The following ATXN1 variants were observed in gnomAD, a reference collection of about 807,000 sequenced individuals.
ATXN1 encodes ataxin-1.
In ATXN1, 8 loss-of-function variants were observed where a neutral mutation model predicts 56.4. That is an observed-to-expected ratio of 0.14 (90% confidence interval 0.08 to 0.26). The LOEUF (loss-of-function observed/expected upper bound fraction) is 0.26. Ranked by LOEUF, ATXN1 falls within the 10% of genes least tolerant of loss-of-function variation. The probability of loss-of-function intolerance (pLI) is 1.00; values close to 1 mark genes in which losing one functional copy is unlikely to be tolerated. For missense variants in ATXN1, 987 were observed against 1,106.5 expected, an observed-to-expected ratio of 0.89 and a Z score of 1.53; for synonymous variants, 514 against 494.6, an observed-to-expected ratio of 1.04 and a Z score of -0.52.
In ATXN1 at chr6:16,583,584, C is replaced by T. The variant is rs983670597; in HGVS notation, c.-361+2196G>A. On this transcript the variant is annotated intron_variant, in intron 4 of 7. Transcript: ENST00000436367. ...AGGGCAGCTCACATATGGTGCCAGACGGTGAGGGACTCTGTGCCCAAGGCA... is the reference window on the plus strand; with the variant it reads ...AGGGCAGCTCACATATGGTGCCAGATGGTGAGGGACTCTGTGCCCAAGGCA... Among the ~76,000 whole-genome samples, 8 of 152,280 alleles carry T rather than the reference C, an allele frequency of 5.3e-5. No individual in the cohort carries two copies. The East Asian group carries it at 5.8e-4, about 11-fold the overall frequency.
chr6:16,450,138 C>T (rs188053977), intron 6 of ATXN1, among the ~76,000 whole-genome samples: 1 of 152,290 alleles, frequency 6.6e-6, no homozygotes, highest in Admixed American at 6.5e-5. Context: ...ATGAATGATA[C>T]AGAATTTGTA....
intron 2 of ATXN1, among the ~76,000 whole-genome samples, chr6:16,668,948 G>A (rs1363692501): frequency 6.6e-6 from 1 of 152,020 alleles, no homozygotes; most frequent in African/African-American, 2.4e-5. Context: ...ACAGACTGCA[G>A]GAAGCCCAGA....
intron 3 of ATXN1, among the ~76,000 whole-genome samples, chr6:16,639,063 G>A (rs1414248156): frequency 6.8e-6 from 1 of 147,266 alleles, no homozygotes; most frequent in Non-Finnish European, 1.5e-5. Context: ...GCTAGCTTGA[G>A]GTTTGTAAAA....
At chr6:16,362,706 T>C (rs1761836372) in intron 6 of ATXN1, among the ~76,000 whole-genome samples, 1 of 150,868 alleles carries the variant, frequency 6.6e-6, no homozygotes, top group South Asian at 2.1e-4. Context: ...GAATATAATG[T>C]GAACATCTTG....
chr6:16,501,097 G>GC (rs139969341), intron 5 of ATXN1, among the ~76,000 whole-genome samples: 4,790 of 152,286 alleles, frequency 0.031, 267 homozygotes, highest in South Asian at 0.17. Context: ...GTAGGTTTGT[G>GC]CATGTGCGTG....
intron 5 of ATXN1, among the ~76,000 whole-genome samples, chr6:16,512,710 A>G (rs1208246778): frequency 6.6e-6 from 1 of 152,226 alleles, no homozygotes; most frequent in Non-Finnish European, 1.5e-5. Flanking sequence ...TCAGACACCA[A>G]CAGCAACAAA....
intron 1 of ATXN1, chr6:16,754,495 A>G (rs1186835049): frequency 6.6e-6 from 1 of 152,222 alleles, no homozygotes; most frequent in Non-Finnish European, 1.5e-5. Flanking sequence ...CCTTGGGTAC[A>G]TGGCAACACA....
At chr6:16,560,041 C>G (rs773638368) in intron 4 of ATXN1, among the ~76,000 whole-genome samples, 7 of 152,030 alleles carry the variant, frequency 4.6e-5, no homozygotes, top group Admixed American at 4.6e-4. Flanking sequence ...CTTCATAATC[C>G]ATTCAAATTT....
chr6:16,750,043 C>T (rs1330985720), intron 2 of ATXN1: 1 of 152,466 alleles, frequency 6.6e-6, no homozygotes, highest in African/African-American at 2.4e-5. Context: ...TCTCTTCCCA[C>T]AGAAATGCAA....
At chr6:16,622,404 G>A (rs767075477) in intron 3 of ATXN1, among the ~76,000 whole-genome samples, 9 of 152,070 alleles carry the variant, frequency 5.9e-5, no homozygotes, top group East Asian at 1.9e-4. Flanking sequence ...GTCTCATAAC[G>A]ATAACCAAAC....
At chr6:16,355,068 C>T (rs956753451) in intron 6 of ATXN1, among the ~76,000 whole-genome samples, 26 of 152,306 alleles carry the variant, frequency 1.7e-4, no homozygotes, top group African/African-American at 3.9e-4. Flanking sequence ...ATTTTAATTA[C>T]GAAGTCCTCT....
At chr6:16,616,450 G>C (rs1763210572) in intron 3 of ATXN1, among the ~76,000 whole-genome samples, 1 of 151,294 alleles carries the variant, frequency 6.6e-6, no homozygotes, top group Non-Finnish European at 1.5e-5. Context: ...TGAGACAGAA[G>C]AATCACTTGA....
intron 3 of ATXN1, among the ~76,000 whole-genome samples, chr6:16,625,245 A>G (rs1306040781): frequency 6.6e-6 from 1 of 152,216 alleles, no homozygotes; most frequent in African/African-American, 2.4e-5. Flanking sequence ...AGTACTACCT[A>G]CCCTGGGAGC....
In ATXN1 at chr6:16,327,684, ATGCTGCTGCTGCTGCTGC is replaced by A. The variant is rs193922926; in HGVS notation, c.609_626del (p.Gln203_Gln208del). 4.6e-5 allele frequency: 68 copies of A among 1,474,150 alleles called. No individual in the cohort carries two copies. Among genetic ancestry groups the A allele is most frequent in the East Asian group, 2.6e-4 (9 of 34,630 alleles). 91.3% of individuals were successfully genotyped at this position (1,474,150 alleles called of 1,614,324 possible). On this transcript the variant is annotated inframe_deletion, in exon 7 of 8. Transcript: ENST00000436367. ...GCTGCTGCTGCTGCTGCTGATGCTG[ATGCTGCTGCTGCTGCTGC>A]TGCTGCTGCTGCTGCTGCTGCTCAG...
intron 6 of ATXN1, among the ~76,000 whole-genome samples, chr6:16,474,864 A>ACACACT (rs1554108897): frequency 1.2e-3 from 180 of 149,048 alleles, no homozygotes; most frequent in East Asian, 8.8e-3. Context: ...ACACACACAC[A>ACACACT]CTCTCTCTCT....
chr6:16,370,389 T>C (rs759573166), intron 6 of ATXN1, among the ~76,000 whole-genome samples: 1 of 152,242 alleles, frequency 6.6e-6, no homozygotes, highest in Non-Finnish European at 1.5e-5. Context: ...GCTACTAAAA[T>C]TGTTTGCAGT....
chr6:16,616,570 G>GTATAATATA (rs1719978951), intron 3 of ATXN1, among the ~76,000 whole-genome samples: 1 of 140,586 alleles, frequency 7.1e-6, no homozygotes, highest in African/African-American at 2.6e-5. Context: ...TTTATATATA[G>GTATAATATA]TATATAATAT....
intron 6 of ATXN1, among the ~76,000 whole-genome samples, chr6:16,384,474 T>C (rs530353015): frequency 3.9e-5 from 6 of 152,322 alleles, no homozygotes; most frequent in African/African-American, 1.4e-4. Context: ...CTGCCTACTA[T>C]GCATCAGACA....
At chr6:16,757,254 C>T (rs987062052) in intron 1 of ATXN1, among the ~76,000 whole-genome samples, 4 of 152,178 alleles carry the variant, frequency 2.6e-5, no homozygotes, top group African/African-American at 9.7e-5. Flanking sequence ...CCTCTTAAAA[C>T]GAAATCCGCA....
Sources: allele counts gnomAD v4.1 joint callset (sites outside exome capture counted in the v4.1 genomes callset), GRCh38; gene constraint gnomAD v4.1.1; transcripts MANE v1.5; gene names NCBI Gene and HGNC (gene_info 2026-07-23, HGNC 2026-07-21).